The following NRP1 variants were observed in gnomAD, a reference collection of about 807,000 sequenced individuals.
The protein encoded by NRP1 is neuropilin-1.
A neutral mutation model predicts 106.7 loss-of-function variants in NRP1; 35 were observed. The observed-to-expected ratio is 0.33, with a 90% CI of 0.25 to 0.43. The LOEUF is 0.43. NRP1 is among the 20% of genes least tolerant of loss of function. The probability of loss-of-function intolerance (pLI) is 1.00; values close to 1 mark genes in which losing one functional copy is unlikely to be tolerated. For missense variants in NRP1, 1,024 were observed against 1,170.4 expected (o/e 0.87, Z 1.83); for synonymous variants, 437 against 417.9 (o/e 1.05, Z -0.56).
At chr10:33,320,950 T>G (rs1312629815) in intron 2 of NRP1, among the ~76,000 whole-genome samples, 1 of 152,236 alleles carries the variant, frequency 6.6e-6, no homozygotes, top group African/African-American at 2.4e-5. Flanking sequence ...CTTGACTGGC[T>G]GCCATCTTTC....
chr10:33,199,784 C>T (rs981498618), intron 11 of NRP1, among the ~76,000 whole-genome samples: 2 of 152,090 alleles, frequency 1.3e-5, no homozygotes, highest in African/African-American at 4.8e-5. Context: ...TTACAGGGTG[C>T]CATAATTGTG....
chr10:33,303,556 A>G (rs112700626), intron 2 of NRP1, among the ~76,000 whole-genome samples: 4 of 152,306 alleles, frequency 2.6e-5, no homozygotes, highest in African/African-American at 9.6e-5. Flanking sequence ...TCTAATTGAC[A>G]ATGACCTGGG....
intron 5 of NRP1, among the ~76,000 whole-genome samples, chr10:33,255,729 G>C (rs2133188099): frequency 6.6e-6 from 1 of 152,284 alleles, no homozygotes; most frequent in African/African-American, 2.4e-5. Flanking sequence ...TGGGATTACA[G>C]AGTGAGCCAC....
At chr10:33,238,051 T>A (rs951080784) in intron 6 of NRP1, among the ~76,000 whole-genome samples, 1 of 152,208 alleles carries the variant, frequency 6.6e-6, no homozygotes, top group Non-Finnish European at 1.5e-5. Context: ...GAAATCTTCC[T>A]TGTAGGTAAA....
At chr10:33,206,625 C>T (rs1837805729) in intron 10 of NRP1, among the ~76,000 whole-genome samples, 1 of 152,184 alleles carries the variant, frequency 6.6e-6, no homozygotes, top group Non-Finnish European at 1.5e-5. Context: ...TTCTTCAAAA[C>T]AACTGTGAGC....
At chr10:33,222,535 A>ATTTATTTATTTTTTTT (rs1213013370) in intron 7 of NRP1, among the ~76,000 whole-genome samples, 1 of 120,136 alleles carries the variant, frequency 8.3e-6, no homozygotes, top group Non-Finnish European at 1.8e-5. Context: ...TTATTTATTT[A>ATTTATTTATTTTTTTT]TTTAAGATGG....
intron 2 of NRP1, among the ~76,000 whole-genome samples, chr10:33,295,991 ATGT>A (rs1368840091): frequency 6.6e-6 from 1 of 152,094 alleles, no homozygotes; most frequent in Non-Finnish European, 1.5e-5. Flanking sequence ...CACCAAATTA[ATGT>A]TGTCATCTGA....
chr10:33,225,793 G>T (rs1008725465), intron 7 of NRP1, among the ~76,000 whole-genome samples: 5 of 152,116 alleles, frequency 3.3e-5, no homozygotes, highest in African/African-American at 1.2e-4. Flanking sequence ...GAAATCGAGG[G>T]GGGAAAAACA....
At chr10:33,323,761 A>G (rs1847694148) in intron 2 of NRP1, among the ~76,000 whole-genome samples, 1 of 152,150 alleles carries the variant, frequency 6.6e-6, no homozygotes, top group South Asian at 2.1e-4. Flanking sequence ...GATGAATACT[A>G]CCACTGCAAT....
chr10:33,277,500 G>A (rs1429116714), intron 2 of NRP1, among the ~76,000 whole-genome samples: 1 of 152,262 alleles, frequency 6.6e-6, no homozygotes, highest in Non-Finnish European at 1.5e-5. Context: ...GCTGCCACCA[G>A]CGCTGCCACC....
chr10:33,258,825 A>C (rs1311146772), intron 4 of NRP1, among the ~76,000 whole-genome samples: 1 of 152,164 alleles, frequency 6.6e-6, no homozygotes, highest in African/African-American at 2.4e-5. Context: ...AGAACCATAC[A>C]CTTAAGTCTT....
chr10:33,182,787 G>A, intron 15 of NRP1, 39 bp from the exon 16 acceptor site: 2 of 1,491,548 alleles, frequency 1.3e-6, no homozygotes, highest in East Asian at 2.3e-5. Flanking sequence ...TATTTGAACT[G>A]CCATCAAAAT....
At chr10:33,184,116 A>G (rs929807882) in intron 15 of NRP1, among the ~76,000 whole-genome samples, 3 of 151,956 alleles carry the variant, frequency 2.0e-5, no homozygotes, top group African/African-American at 7.3e-5. Context: ...GGTTCAAGCA[A>G]TTCTCCTGCC....
rs1314037545 is a variant in NRP1 at position 33,178,624 on chromosome 10, T to C, written c.*1452A>G. 1 of 152,226 alleles carries C rather than the reference T, an allele frequency of 6.6e-6. No individual in the cohort carries two copies. Among genetic ancestry groups the C allele is most frequent in the Non-Finnish European group, 1.5e-5 (1 of 68,040 alleles). 9.4% of individuals were successfully genotyped at this position (152,226 alleles called of 1,614,324 possible). A position where few individuals can be genotyped will look rare whatever the true frequency, so the allele number is the denominator to read the frequency against. On this transcript the variant is annotated 3_prime_UTR_variant, in exon 17 of 17. Transcript: ENST00000374867. ...CAGTAGCAAAATAAGAAAGTTCTCT[T>C]GGGTCATTTTTGCATATTTGGATAG...
chr10:33,302,136 G>A (rs142885404), intron 2 of NRP1, among the ~76,000 whole-genome samples: 17 of 152,190 alleles, frequency 1.1e-4, no homozygotes, highest in Non-Finnish European at 1.6e-4. Context: ...ATGTAACAAC[G>A]GAAACGCAAC....
At chr10:33,188,246 T>G (rs1362546458) in intron 13 of NRP1, among the ~76,000 whole-genome samples, 1 of 152,194 alleles carries the variant, frequency 6.6e-6, no homozygotes, top group Non-Finnish European at 1.5e-5. Flanking sequence ...TAATCCCACT[T>G]ATTGAGCTCA....
intron 6 of NRP1, among the ~76,000 whole-genome samples, chr10:33,249,757 G>T (rs1267029656): frequency 6.6e-6 from 1 of 152,204 alleles, no homozygotes. Context: ...ATATGGCTGT[G>T]TGCAAACCTT....
intron 2 of NRP1, among the ~76,000 whole-genome samples, chr10:33,322,280 T>C (rs933616981): frequency 2.6e-5 from 4 of 152,228 alleles, no homozygotes; most frequent in African/African-American, 9.6e-5. Flanking sequence ...ATATGCGCTT[T>C]GTGCTTTTAA....
chr10:33,241,554 G>T (rs1008445619), intron 6 of NRP1, among the ~76,000 whole-genome samples: 1 of 152,036 alleles, frequency 6.6e-6, no homozygotes, highest in African/African-American at 2.4e-5. Flanking sequence ...CTTAAAACAC[G>T]GTTGGATACC....
Sources: gnomAD v4.1 joint callset for allele counts (sites outside exome capture counted in the v4.1 genomes callset) on GRCh38, gnomAD v4.1.1 for gene constraint, MANE v1.5 for transcripts, NCBI Gene and HGNC (gene_info 2026-07-23, HGNC 2026-07-21) for gene names.